Variants in PTPRD observed in about 807,000 individuals in gnomAD.
PTPRD encodes protein tyrosine phosphatase receptor type D, also known as receptor-type tyrosine-protein phosphatase delta.
Under a neutral mutation model 214.5 loss-of-function variants are expected in PTPRD, and 34 were observed. The ratio of observed to expected loss-of-function variants is 0.16; its 90% CI spans 0.12 to 0.21. The LOEUF is 0.21. PTPRD is among the 10% of genes least tolerant of loss of function. The pLI is 1.00. For synonymous variants in PTPRD, 1,128 were observed against 845.7 expected, an observed-to-expected ratio of 1.33 and a Z score of -5.79; for missense variants, 2,545 against 2,398.7, an observed-to-expected ratio of 1.06 and a Z score of -1.27.
intron 4 of PTPRD, among the ~76,000 whole-genome samples, chr9:9,978,809 G>A (rs541648088): frequency 3.1e-4 from 47 of 151,802 alleles, no homozygotes; most frequent in Admixed American, 8.5e-4. Context: ...AAGAGTACAG[G>A]TACACACTGA....
At chr9:8,557,650 G>GGGGAATC (rs2084409051) in intron 14 of PTPRD, among the ~76,000 whole-genome samples, 1 of 148,838 alleles carries the variant, frequency 6.7e-6, no homozygotes, top group Non-Finnish European at 1.5e-5. Flanking sequence ...GGCTGAGGCA[G>GGGGAATC]GGGAATCGCT....
intron 4 of PTPRD, among the ~76,000 whole-genome samples, chr9:9,987,966 G>A (rs191260273): frequency 2.2e-3 from 331 of 152,138 alleles, no homozygotes; most frequent in African/African-American, 6.9e-3. Context: ...CATATTTGCC[G>A]TAACAGCAGT....
intron 29 of PTPRD, among the ~76,000 whole-genome samples, 180 bp downstream of exon 29, chr9:8,485,047 A>G (rs1413054851): frequency 4.0e-5 from 6 of 150,752 alleles, no homozygotes; most frequent in Admixed American, 4.0e-4. Flanking sequence ...CTCCTTCTTC[A>G]GAGTGTAAAG....
chr9:8,694,743 G>A (rs542424093), intron 12 of PTPRD, among the ~76,000 whole-genome samples: 2 of 152,080 alleles, frequency 1.3e-5, no homozygotes, highest in South Asian at 2.1e-4. Context: ...ATTATTCATG[G>A]GTGTTGGCAA....
chr9:10,103,172 A>C (rs72694856), intron 3 of PTPRD, among the ~76,000 whole-genome samples: 7,941 of 151,432 alleles, frequency 0.052, 268 homozygotes, highest in Admixed American at 0.1. Flanking sequence ...AATGGTTTTC[A>C]AACAATTTTT....
chr9:9,644,400 C>G (rs545926397), intron 7 of PTPRD, among the ~76,000 whole-genome samples: 105 of 152,290 alleles, frequency 6.9e-4, no homozygotes, highest in African/African-American at 2.5e-3. Context: ...ATCATATGAA[C>G]TGTCTCCATG....
chr9:9,425,961 T>A (rs1390713509), intron 8 of PTPRD, among the ~76,000 whole-genome samples: 1 of 152,120 alleles, frequency 6.6e-6, no homozygotes, highest in Non-Finnish European at 1.5e-5. Context: ...ACAGCTCCAG[T>A]CTACAGCTCC....
intron 14 of PTPRD, among the ~76,000 whole-genome samples, chr9:8,541,274 G>C (rs1370060323): frequency 1.3e-5 from 2 of 152,154 alleles, no homozygotes; most frequent in African/African-American, 4.8e-5. Flanking sequence ...CTGTCACCCA[G>C]GCTGGACTGC....
chr9:10,070,662 C>T (rs1248116577), intron 3 of PTPRD, among the ~76,000 whole-genome samples: 1 of 151,834 alleles, frequency 6.6e-6, no homozygotes, highest in Non-Finnish European at 1.5e-5. Context: ...AGTATTTAAT[C>T]AGAAAAAATA....
intron 4 of PTPRD, among the ~76,000 whole-genome samples, chr9:9,969,462 C>A (rs1014931959): frequency 6.6e-6 from 1 of 152,134 alleles, no homozygotes; most frequent in Non-Finnish European, 1.5e-5. Flanking sequence ...TATTAAAAAT[C>A]TCAGGTATGC....
chr9:9,458,169 C>G (rs2093272822), intron 8 of PTPRD, among the ~76,000 whole-genome samples: 1 of 151,872 alleles, frequency 6.6e-6, no homozygotes, highest in Admixed American at 6.6e-5. Context: ...TTAAATTACA[C>G]TCTAGATATA....
At chr9:9,605,352 A>G (rs2094081819) in intron 7 of PTPRD, among the ~76,000 whole-genome samples, 1 of 152,082 alleles carries the variant, frequency 6.6e-6, no homozygotes, top group South Asian at 2.1e-4. Context: ...CCTGACCTAT[A>G]GTGTCTATGT....
intron 8 of PTPRD, among the ~76,000 whole-genome samples, chr9:9,489,488 C>T (rs887729311): frequency 6.6e-6 from 1 of 151,986 alleles, no homozygotes; most frequent in Non-Finnish European, 1.5e-5. Context: ...TAAACATACT[C>T]AGAGAAGTAA....
At chr9:9,177,986 C>T (rs937396324) in intron 10 of PTPRD, among the ~76,000 whole-genome samples, 8 of 151,998 alleles carry the variant, frequency 5.3e-5, no homozygotes, top group African/African-American at 1.9e-4. Flanking sequence ...AAAGAGAGAT[C>T]AGATGATGAA....
chr9:10,082,944 G>A (rs1412628153), intron 3 of PTPRD, among the ~76,000 whole-genome samples: 2 of 151,518 alleles, frequency 1.3e-5, no homozygotes, highest in East Asian at 1.9e-4. Flanking sequence ...GAAACTAAAC[G>A]ACAGTTCTTA....
intron 2 of PTPRD, among the ~76,000 whole-genome samples, chr9:10,451,524 A>T (rs975390820): frequency 5.3e-5 from 8 of 151,548 alleles, no homozygotes; most frequent in African/African-American, 1.7e-4. Flanking sequence ...GATCTGGTGC[A>T]TATCTTCAGA....
intron 32 of PTPRD, among the ~76,000 whole-genome samples, chr9:8,462,736 C>T (rs2096447622): frequency 6.6e-6 from 1 of 151,838 alleles, no homozygotes; most frequent in South Asian, 2.1e-4. Context: ...ATCGGTCATT[C>T]CCCTCTACTA....
rs947177940 is a variant in PTPRD at position 8,358,797 on chromosome 9, T to C, written c.4662-16819A>G. On this transcript the variant is annotated intron_variant, in intron 39 of 45. Coordinates refer to ENST00000381196, the MANE Select transcript of PTPRD (RefSeq NM_002839.4). ...ACCAATATTTAACTTTATTTTCTGG[T>C]TTAAATCCTCTCAGGAAAAAAAAAT... 3.9e-5 allele frequency among the ~76,000 whole-genome samples: 6 copies of C among 152,016 alleles called. 1 individual carries two copies. Among genetic ancestry groups the C allele is most frequent in the Non-Finnish European group, 5.9e-5 (4 of 68,004 alleles).
At chr9:9,278,091 T>C (rs781261947) in intron 9 of PTPRD, among the ~76,000 whole-genome samples, 54 of 151,368 alleles carry the variant, frequency 3.6e-4, no homozygotes, top group Non-Finnish European at 6.8e-4. Context: ...GTTGTATGCT[T>C]TCCACGATTT....
Sources: allele counts gnomAD v4.1 joint callset (sites outside exome capture counted in the v4.1 genomes callset), GRCh38; gene constraint gnomAD v4.1.1; transcripts MANE v1.5; gene names NCBI Gene and HGNC (gene_info 2026-07-23, HGNC 2026-07-21).